PPP2R2B: variants seen among roughly 807,000 people sequenced by gnomAD.
The protein encoded by PPP2R2B is protein phosphatase 2 regulatory subunit Bbeta.
A neutral mutation model predicts 46.0 loss-of-function variants in PPP2R2B; 5 were observed. That is an observed-to-expected ratio of 0.11 (90% CI 0.06 to 0.23). The LOEUF (loss-of-function observed/expected upper bound fraction) is 0.23, where lower values mean the gene tolerates loss of function less well. Among genes scored for constraint, PPP2R2B ranks in the 10% least tolerant of loss-of-function variants. The pLI is 1.00. For synonymous variants in PPP2R2B, 215 were observed against 206.7 expected (o/e 1.04, Z -0.34); for missense variants, 367 against 575.0 (o/e 0.64, Z 3.70).
At chr5:146,590,258 T>C (rs1561746492) in intron 9 of PPP2R2B, 32 bp from the exon 10 acceptor site, 2 of 1,531,936 alleles carry the variant, frequency 1.3e-6, no homozygotes, top group Non-Finnish European at 1.7e-6. Flanking sequence ...CAATGACATA[T>C]CTTCACTGTC....
At chr5:146,651,449 T>C (rs1024518115) in intron 5 of PPP2R2B, among the ~76,000 whole-genome samples, 3 of 152,160 alleles carry the variant, frequency 2.0e-5, no homozygotes, top group African/African-American at 7.2e-5. Context: ...TGAGTAAGAA[T>C]ACATGATTAA....
intron 1 of PPP2R2B, among the ~76,000 whole-genome samples, chr5:146,934,583 GAAAAAAAAAAAAAA>G (rs3062352): frequency 6.4e-4 from 20 of 31,492 alleles, no homozygotes; most frequent in South Asian, 1.4e-3. Flanking sequence ...TTTTTCATAA[GAAAAAAAAAAAAAA>G]AAAAAAAAAA....
chr5:146,702,854 G>T (rs1779621819), intron 2 of PPP2R2B, among the ~76,000 whole-genome samples: 1 of 152,174 alleles, frequency 6.6e-6, no homozygotes, highest in African/African-American at 2.4e-5. Flanking sequence ...GAAGACTCCA[G>T]TGAATACTAC....
intron 2 of PPP2R2B, among the ~76,000 whole-genome samples, chr5:147,065,432 T>G (rs1207351640): frequency 1.3e-5 from 2 of 151,970 alleles, no homozygotes; most frequent in African/African-American, 4.8e-5. Context: ...TGAGTGAGGC[T>G]GGGGGTATCC....
chr5:146,811,525 T>G (rs537526706), intron 2 of PPP2R2B, among the ~76,000 whole-genome samples: 1 of 151,916 alleles, frequency 6.6e-6, no homozygotes, highest in South Asian at 2.1e-4. Context: ...CCCAATAGAC[T>G]GTAAGCTCTG....
chr5:146,650,677 T>G lies in PPP2R2B; in HGVS notation c.495A>C (p.Arg165=). Reference sequence around the variant, plus strand: ...ATGTGTGTGCGTTGGCAAATACTCTTCGTGGGGTGGCCTCCACCATCAGGT... The same window carrying G: ...ATGTGTGTGCGTTGGCAAATACTCTGCGTGGGGTGGCCTCCACCATCAGGT... ...PMDLMVEATP[R]RVFANAHTYH... Residue 165 remains arginine, a synonymous_variant, in exon 6 of 10, where the codon CGA becomes CGC. Coordinates refer to ENST00000394411, the MANE Select transcript of PPP2R2B (RefSeq NM_181675.4). 6.2e-7 allele frequency: 1 copy of G among 1,613,990 alleles called. No homozygotes were observed. The highest frequency in any genetic ancestry group is 8.5e-7 in the Non-Finnish European group (1 of 1,179,942).
intron 2 of PPP2R2B, among the ~76,000 whole-genome samples, chr5:146,811,819 G>A (rs528954528): frequency 2.0e-5 from 3 of 149,674 alleles, no homozygotes; most frequent in Non-Finnish European, 4.4e-5. Context: ...TGCCCGCCTC[G>A]GCCACCCAAA....
chr5:146,603,105 G>A (rs1162271532), intron 7 of PPP2R2B, among the ~76,000 whole-genome samples: 2 of 152,122 alleles, frequency 1.3e-5, no homozygotes, highest in Non-Finnish European at 2.9e-5. Context: ...TTTCCCAGCT[G>A]CAAAAAGAGG....
intron 2 of PPP2R2B, among the ~76,000 whole-genome samples, chr5:146,812,138 T>C (rs1757590790): frequency 6.6e-6 from 1 of 151,994 alleles, no homozygotes; most frequent in Admixed American, 6.5e-5. Flanking sequence ...AAGTTTCCAT[T>C]ACCTCTCTGA....
chr5:146,712,285 G>A (rs1780255212), intron 2 of PPP2R2B, among the ~76,000 whole-genome samples: 1 of 151,946 alleles, frequency 6.6e-6, no homozygotes, highest in Non-Finnish European at 1.5e-5. Flanking sequence ...TAGGAGTTGT[G>A]GTATTTTGAA....
At chr5:146,756,277 G>A (rs961015585) in intron 2 of PPP2R2B, among the ~76,000 whole-genome samples, 30 of 152,252 alleles carry the variant, frequency 2.0e-4, no homozygotes, top group African/African-American at 7.0e-4. Context: ...CATTTAATGG[G>A]CAGAGGGGCT....
chr5:146,654,156 T>C (rs1344272324), intron 5 of PPP2R2B, among the ~76,000 whole-genome samples: 4 of 152,132 alleles, frequency 2.6e-5, no homozygotes, highest in African/African-American at 9.7e-5. Flanking sequence ...AGTCACTGAG[T>C]TTAGAACCCC....
At chr5:146,992,605 C>T (rs755138528) in intron 1 of PPP2R2B, among the ~76,000 whole-genome samples, 13 of 152,184 alleles carry the variant, frequency 8.5e-5, no homozygotes, top group Non-Finnish European at 1.6e-4. Flanking sequence ...CTTATCACCG[C>T]CAGGGTGTTG....
chr5:147,023,080 T>C (rs1755360999), intron 1 of PPP2R2B, among the ~76,000 whole-genome samples: 1 of 152,168 alleles, frequency 6.6e-6, no homozygotes, highest in African/African-American at 2.4e-5. Context: ...AACAATGAAT[T>C]GTATTATGCC....
At position 146,729,984 on chromosome 5, in the gene PPP2R2B, T is replaced by C. The variant is rs147995972; in HGVS notation, c.71-28842A>G. On this transcript the variant is annotated intron_variant, in intron 2 of 9. Coordinates refer to ENST00000394411, the MANE Select transcript of PPP2R2B (RefSeq NM_181675.4). Reference sequence around the variant, plus strand: ...GGCCACCATCCTCTAGACCCCATAATGGTAGATCCACTGACAGTTTGCACT... The same window carrying C: ...GGCCACCATCCTCTAGACCCCATAACGGTAGATCCACTGACAGTTTGCACT... Among the ~76,000 whole-genome samples the C allele has an allele frequency of 6.7e-3, 1,026 of 152,272 alleles. 8 individuals are homozygous for C. The highest frequency in any genetic ancestry group is 0.023 in the African/African-American group (959 of 41,556).
At chr5:146,981,786 T>C (rs1753190311) in intron 1 of PPP2R2B, among the ~76,000 whole-genome samples, 1 of 152,188 alleles carries the variant, frequency 6.6e-6, no homozygotes, top group South Asian at 2.1e-4. Flanking sequence ...TAATCTGTTC[T>C]CCAATCCTAT....
intron 1 of PPP2R2B, among the ~76,000 whole-genome samples, chr5:147,028,336 A>C (rs981932655): frequency 9.9e-5 from 15 of 152,206 alleles, no homozygotes; most frequent in African/African-American, 3.6e-4. Flanking sequence ...ACAGGTATAC[A>C]GAAAGGGCAC....
intron 5 of PPP2R2B, among the ~76,000 whole-genome samples, chr5:146,662,991 A>G (rs1318591359): frequency 6.6e-6 from 1 of 152,210 alleles, no homozygotes; most frequent in Non-Finnish European, 1.5e-5. Context: ...TTAATCTTAT[A>G]AAAGATTAAT....
intron 5 of PPP2R2B, among the ~76,000 whole-genome samples, chr5:146,682,031 G>A (rs944387884): frequency 6.6e-6 from 1 of 152,166 alleles, no homozygotes; most frequent in Non-Finnish European, 1.5e-5. Flanking sequence ...AGAAGCCATG[G>A]ACACCTTCCA....
Sources: allele counts gnomAD v4.1 joint callset (sites outside exome capture counted in the v4.1 genomes callset), GRCh38; gene constraint gnomAD v4.1.1; transcripts MANE v1.5; gene names NCBI Gene and HGNC (gene_info 2026-07-23, HGNC 2026-07-21).